ANKRD60: variants seen among roughly 807,000 people sequenced by gnomAD.
ANKRD60 encodes the protein ankyrin repeat domain 60.
ANKRD60 carries 24 observed loss-of-function variants against 21.3 expected under a neutral mutation model. The ratio of observed to expected loss-of-function variants is 1.13; its 90% CI spans 0.82 to 1.59. ANKRD60 has a LOEUF of 1.59. Ranked by LOEUF, ANKRD60 falls within the 40% of genes most tolerant of loss-of-function variation. The pLI is 0.00. For missense variants in ANKRD60, 490 were observed against 466.7 expected, an observed-to-expected ratio of 1.05 and a Z score of -0.46; for synonymous variants, 182 against 199.4, an observed-to-expected ratio of 0.91 and a Z score of 0.74.
chr20:58,227,905 C>T (rs1444815423), intron 1 of ANKRD60, among the ~76,000 whole-genome samples: 1 of 152,112 alleles, frequency 6.6e-6, no homozygotes, highest in Non-Finnish European at 1.5e-5. Flanking sequence ...GGGGTCCTGG[C>T]TTGGACAGGA....
At chr20:58,221,525 TGA>T in intron 2 of ANKRD60, 22 bp from the exon 3 acceptor site, 4 of 1,549,160 alleles carry the variant, frequency 2.6e-6, no homozygotes, top group Non-Finnish European at 2.6e-6. Flanking sequence ...AAGAGGAGTT[TGA>T]GTTATTCTCA....
downstream of ANKRD60, among the ~76,000 whole-genome samples, chr20:58,217,780 T>A (rs1984164346): frequency 6.6e-6 from 1 of 152,144 alleles, no homozygotes; most frequent in Non-Finnish European, 1.5e-5. Flanking sequence ...AGGAGAACTC[T>A]GGCAAGAGGA....
At chr20:58,226,841 G>C (rs1984373250) in intron 1 of ANKRD60, among the ~76,000 whole-genome samples, 1 of 152,102 alleles carries the variant, frequency 6.6e-6, no homozygotes, top group Admixed American at 6.5e-5. Flanking sequence ...ATGTGGGCAG[G>C]GTTCATTTTG....
chr20:58,216,858 A>G (rs117751676), downstream of ANKRD60, among the ~76,000 whole-genome samples: 1,711 of 152,294 alleles, frequency 0.011, 11 homozygotes, highest in Middle Eastern at 0.02. Flanking sequence ...TTGATTCCAA[A>G]AGTTGCTTAG....
intron 1 of ANKRD60, among the ~76,000 whole-genome samples, chr20:58,224,427 T>G (rs1984326567): frequency 6.6e-6 from 1 of 152,150 alleles, no homozygotes; most frequent in Non-Finnish European, 1.5e-5. Context: ...CTTTCATCCT[T>G]AGGACAGCCC....
At chr20:58,216,479 C>A (rs1034813373), downstream of ANKRD60, among the ~76,000 whole-genome samples, 1 of 152,192 alleles carries the variant, frequency 6.6e-6, no homozygotes, top group Non-Finnish European at 1.5e-5. Context: ...GCCTGCATCA[C>A]CCCCCTAACA....
downstream of ANKRD60, among the ~76,000 whole-genome samples, chr20:58,217,551 T>C (rs1244874474): frequency 6.6e-6 from 1 of 152,092 alleles, no homozygotes; most frequent in Non-Finnish European, 1.5e-5. Flanking sequence ...GTCTCGGTGC[T>C]CTCTTCAGAC....
At chr20:58,220,519 G>GAGAC (rs1479513676) in intron 3 of ANKRD60, among the ~76,000 whole-genome samples, 5 of 152,136 alleles carry the variant, frequency 3.3e-5, no homozygotes, top group Admixed American at 2.0e-4. Context: ...GAGAGAGAGA[G>GAGAC]AGAGTGGAAG....
rs11469843 is a variant in ANKRD60, at chr20:58,220,489, C to CAGAGAGAGAG, written c.727+839_727+848dup. Among the ~76,000 whole-genome samples, 1,192 of 144,364 alleles carry CAGAGAGAGAG rather than the reference C, an allele frequency of 8.3e-3. 10 individuals are homozygous for CAGAGAGAGAG. The highest frequency in any genetic ancestry group is 0.025 in the Middle Eastern group (7 of 282). The allele number at this position is 144,364 out of a possible 152,430, so 94.7% of individuals were successfully genotyped here. A position where few individuals can be genotyped will look rare whatever the true frequency, so the allele number is the denominator to read the frequency against. On this transcript the variant is annotated intron_variant, in intron 3 of 3. Coordinates refer to ENST00000457363, the Ensembl canonical transcript of ANKRD60. Reference sequence around the variant, plus strand: ...TTCTGTTTCTATCTATCAAGAGAGCCAGAGAGAGAGAGAGAGAGAGAGAGA... The same window carrying CAGAGAGAGAG: ...TTCTGTTTCTATCTATCAAGAGAGCCAGAGAGAGAGAGAGAGAGAGAGAGAGAGAGAGAGA...
chr20:58,220,431 G>T (rs1399758059), intron 3 of ANKRD60, among the ~76,000 whole-genome samples: 2 of 151,534 alleles, frequency 1.3e-5, no homozygotes, highest in Admixed American at 1.3e-4. Flanking sequence ...ACTATGTAAA[G>T]CTCTTTAATT....
rs144837048 is a variant in ANKRD60, at chr20:58,228,104, A to G, written c.430+120T>C. On this transcript the variant is annotated intron_variant, in intron 1 of 3. Coordinates refer to ENST00000457363, the Ensembl canonical transcript of ANKRD60. This position sits in a 1 kb window ranked among gnomAD's most constrained non-coding sequence, Gnocchi z 5.3. ...CTGGGTTTCAGGGTGGTTGGGTTTCAGGGGTTTGCTTTGACATCTGGGGTT... is the reference window on the plus strand; with the variant it reads ...CTGGGTTTCAGGGTGGTTGGGTTTCGGGGGTTTGCTTTGACATCTGGGGTT... 6.0e-4 allele frequency: 630 copies of G among 1,048,774 alleles called. No homozygotes were observed. The highest frequency in any genetic ancestry group is 5.4e-3 in the Middle Eastern group (19 of 3,538). The allele number at this position is 1,048,774 out of a possible 1,614,324, so 65.0% of individuals were successfully genotyped here.
intron 3 of ANKRD60, among the ~76,000 whole-genome samples, chr20:58,220,184 C>A (rs997755459): frequency 1.3e-5 from 2 of 152,208 alleles, no homozygotes; most frequent in Non-Finnish European, 2.9e-5. Context: ...ATGGGAAAGG[C>A]CCCTCCTGAG....
At chr20:58,218,678 C>T in exon 4 of ANKRD60, 1 of 1,551,760 alleles carries the variant, frequency 6.4e-7, no homozygotes, top group East Asian at 2.4e-5. Context: ...GGGTCTCCCC[C>T]TTGGCATCTC....
At chr20:58,223,211 A>G (rs1273680934) in intron 1 of ANKRD60, 29 bp from the exon 2 acceptor site, 1 of 1,529,846 alleles carries the variant, frequency 6.5e-7, no homozygotes, top group African/African-American at 1.4e-5. Flanking sequence ...TTTCTTTTAA[A>G]AAATTGGGTA....
At position 58,228,382 on chromosome 20, in the gene ANKRD60, G is replaced by T. The variant is rs1263824980; in HGVS notation, c.272C>A (p.Pro91His). ...CCGCACCCGCAGGACGAAGACGTCA[G>T]GGGCCAAGTCGGGCAAGGCACTCGC... Residue 91 changes from proline to histidine, a missense_variant, in exon 1 of 4, where the codon CCT becomes CAT. Coordinates refer to ENST00000457363, the Ensembl canonical transcript of ANKRD60. The surrounding 1 kb of genome is among the most constrained non-coding windows in gnomAD (Gnocchi z 5.3). 6.5e-7 allele frequency: 1 copy of T among 1,548,814 alleles called. No homozygotes were observed. Among genetic ancestry groups the T allele is most frequent in the Admixed American group, 2.0e-5 (1 of 50,984 alleles).
At position 58,228,471 on chromosome 20, in the gene ANKRD60, G is replaced by A. The variant is rs974659266; in HGVS notation, c.183C>T (p.Leu61=). 2.6e-6 allele frequency: 4 copies of A among 1,514,722 alleles called. No individual in the cohort carries two copies. Among genetic ancestry groups the A allele is most frequent in the Non-Finnish European group, 2.6e-6 (3 of 1,137,320 alleles). The allele number at this position is 1,514,722 out of a possible 1,614,324, so 93.8% of individuals were successfully genotyped here. A position where few individuals can be genotyped will look rare whatever the true frequency, so the allele number is the denominator to read the frequency against. Reference sequence around the variant, plus strand: ...GGGCACAGGCCAGGGGCTGCGCGGGGAGGGCCCGCGAGTCCGCCGAGCCCA... The same window carrying A: ...GGGCACAGGCCAGGGGCTGCGCGGGAAGGGCCCGCGAGTCCGCCGAGCCCA... Residue 61 remains leucine (L), a synonymous_variant, in exon 1 of 4, where the codon CTC becomes CTT. Transcript: ENST00000457363. The surrounding 1 kb of genome is among the most constrained non-coding windows in gnomAD (Gnocchi z 5.3).
chr20:58,216,398 C>T (rs2282204), downstream of ANKRD60, among the ~76,000 whole-genome samples: 12,490 of 152,162 alleles, frequency 0.082, 1,324 homozygotes, highest in East Asian at 0.35. Context: ...CTCCAAACAA[C>T]GAAGGCAGCT....
At chr20:58,219,376 G>A (rs1472060287) in intron 3 of ANKRD60, among the ~76,000 whole-genome samples, 1 of 152,128 alleles carries the variant, frequency 6.6e-6, no homozygotes, top group Non-Finnish European at 1.5e-5. Flanking sequence ...GGAATTATTT[G>A]TAATAATCTA....
At position 58,218,824 on chromosome 20, in the gene ANKRD60, G is replaced by T; in HGVS notation, c.728-19C>A. 1.3e-6 allele frequency: 2 copies of T among 1,515,720 alleles called. No homozygotes were observed. The highest frequency in any genetic ancestry group is 1.8e-6 in the Non-Finnish European group (2 of 1,128,232). 93.9% of individuals were successfully genotyped at this position (1,515,720 alleles called of 1,614,324 possible). On this transcript the variant is annotated intron_variant, in intron 3 of 3. Transcript: ENST00000457363. ...CTGGCTCCTGTAAAATAAGAACATT[G>T]GCCAGAAGGAAGACATGCGGAGGGG...
Sources: allele counts gnomAD v4.1 joint callset (sites outside exome capture counted in the v4.1 genomes callset), GRCh38; gene constraint gnomAD v4.1.1; non-coding constraint Gnocchi (gnomAD v3.1); transcripts MANE v1.5; gene names NCBI Gene and HGNC (gene_info 2026-07-23, HGNC 2026-07-21).